TTC3: variants seen among roughly 807,000 people sequenced by gnomAD.
TTC3 encodes the protein tetratricopeptide repeat domain 3, also known as E3 ubiquitin-protein ligase TTC3.
In TTC3, 180 loss-of-function variants were observed where a neutral mutation model predicts 249.6. The observed-to-expected ratio is 0.72, with a 90% confidence interval of 0.64 to 0.82. The LOEUF (loss-of-function observed/expected upper bound fraction) is 0.82, where lower values mean the gene tolerates loss of function less well. Ranked by LOEUF, TTC3 falls within the 40% of genes least tolerant of loss-of-function variation. TTC3 has a pLI of 0.00. For synonymous variants in TTC3, 717 were observed against 805.0 expected (o/e 0.89, Z 1.85); for missense variants, 2,061 against 2,398.4 (o/e 0.86, Z 2.94).
In TTC3 at chr21:37,192,166, C is replaced by CT; in HGVS notation, c.5173dup (p.Ser1725PhefsTer2). On this transcript the variant is annotated frameshift_variant, in exon 41 of 46. Transcript: ENST00000355666. LOFTEE classifies it high-confidence loss of function. The stretch of plus-strand genomic sequence containing the variant: ...TAAAAATGGTTCTCGGCTCAGTGAA[C>CT]TTTCTAAAGTGCAGATTTCTGAGCT... The CT allele has an allele frequency of 6.2e-7, 1 of 1,610,546 alleles. No homozygotes were observed. Among genetic ancestry groups the CT allele is most frequent in the African/African-American group, 1.3e-5 (1 of 74,734 alleles).
chr21:37,179,679 G>T (rs2082580695), intron 35 of TTC3, among the ~76,000 whole-genome samples: 1 of 150,682 alleles, frequency 6.6e-6, no homozygotes, highest in African/African-American at 2.4e-5. Flanking sequence ...TTTTCATTTT[G>T]TTTGTTTTTT....
At chr21:37,166,222 A>G in exon 33 of TTC3, 1 of 1,614,192 alleles carries the variant, frequency 6.2e-7, no homozygotes, top group Non-Finnish European at 8.5e-7. Flanking sequence ...CAGCATACAT[A>G]AACGTGTTAC....
At chr21:37,094,183 A>G (rs1199231996) in intron 8 of TTC3, 93 bp downstream of exon 8, 13 of 559,080 alleles carry the variant, frequency 2.3e-5, no homozygotes, top group Admixed American at 3.9e-5. Context: ...ACAATATACA[A>G]TTCATAAAAT....
intron 1 of TTC3, among the ~76,000 whole-genome samples, chr21:37,074,970 C>CT (rs954464908): frequency 1.2e-4 from 18 of 151,572 alleles, no homozygotes; most frequent in African/African-American, 3.4e-4. Flanking sequence ...TTCAGATACT[C>CT]TTTTTTTTTA....
chr21:37,090,635 C>A, intron 6 of TTC3: 1 of 646,852 alleles, frequency 1.5e-6, no homozygotes, highest in Non-Finnish European at 1.9e-6. Context: ...TCTCCAGATT[C>A]AATGTTAAAC....
At position 37,121,804 on chromosome 21, in the gene TTC3, C is replaced by T; in HGVS notation, c.901-13C>T. On this transcript the variant is annotated splice_polypyrimidine_tract_variant and intron_variant, in intron 11 of 45. Transcript: ENST00000355666. Reference sequence around the variant, plus strand: ...ATTTTTGAGAAAAAATTAAATTTATCTTTTTGGAACAGGGTCATTATCGTT... The same window carrying T: ...ATTTTTGAGAAAAAATTAAATTTATTTTTTTGGAACAGGGTCATTATCGTT... 1 of 1,531,586 alleles carries T rather than the reference C, an allele frequency of 6.5e-7. No homozygotes were observed. The highest frequency in any genetic ancestry group is 1.3e-5 in the South Asian group (1 of 76,164). 94.9% of individuals were successfully genotyped at this position (1,531,586 alleles called of 1,614,324 possible). A position where few individuals can be genotyped will look rare whatever the true frequency, so the allele number is the denominator to read the frequency against.
chr21:37,105,358 G>T (rs2074975365), intron 10 of TTC3, among the ~76,000 whole-genome samples: 1 of 152,200 alleles, frequency 6.6e-6, no homozygotes, highest in Non-Finnish European at 1.5e-5. Flanking sequence ...GTGGCACTAG[G>T]GTTGTATATT....
chr21:37,197,788 A>G, intron 43 of TTC3, 92 bp downstream of exon 43: 2 of 1,545,160 alleles, frequency 1.3e-6, no homozygotes, highest in South Asian at 1.3e-5. Context: ...CAAAACCTAG[A>G]GAGCAATGTA....
intron 41 of TTC3, 133 bp from the exon 42 acceptor site, chr21:37,195,542 C>A (rs1470221947): frequency 3.3e-6 from 4 of 1,217,020 alleles, no homozygotes; most frequent in African/African-American, 3.1e-5. Context: ...ATATTTAATT[C>A]ATGGTATTCA....
intron 11 of TTC3, among the ~76,000 whole-genome samples, chr21:37,114,987 G>A (rs8130549): frequency 0.66 from 99,581 of 151,388 alleles, 33,024 homozygotes; most frequent in Admixed American, 0.69. Flanking sequence ...AACAATGAGA[G>A]CACATGGACA....
At position 37,082,908 on chromosome 21, in the gene TTC3, A is replaced by G. The variant is rs763650700; in HGVS notation, c.-11-4339A>G. The stretch of plus-strand genomic sequence containing the variant: ...CTTTCTTGGTGATACCAACATTTCC[A>G]TTAAAACTAGTTTACATCTAAGTTA... On this transcript the variant is annotated intron_variant, in intron 1 of 45. Coordinates refer to ENST00000355666, the Ensembl canonical transcript of TTC3. 583 of 980,808 alleles carry G rather than the reference A, an allele frequency of 5.9e-4. 3 individuals are homozygous for G. Among genetic ancestry groups the G allele is most frequent in the Non-Finnish European group, 6.3e-4 (521 of 825,822 alleles). 60.8% of individuals were successfully genotyped at this position (980,808 alleles called of 1,614,324 possible). A position where few individuals can be genotyped will look rare whatever the true frequency, so the allele number is the denominator to read the frequency against.
chr21:37,097,759 T>G (rs2074084676), intron 10 of TTC3, among the ~76,000 whole-genome samples: 1 of 152,314 alleles, frequency 6.6e-6, no homozygotes, highest in South Asian at 2.1e-4. Flanking sequence ...ACAAATACTT[T>G]TTTTGTGAAG....
At chr21:37,143,084 C>A (rs1321089997) in intron 20 of TTC3, among the ~76,000 whole-genome samples, 1 of 152,190 alleles carries the variant, frequency 6.6e-6, no homozygotes, top group African/African-American at 2.4e-5. Flanking sequence ...GCACCTTGTA[C>A]AAAAATTAAT....
Position 37,135,419 on chromosome 21 carries a change from C to T in TTC3, c.1483C>T (p.Gln495Ter). The change falls in exon 18 of 46, where the codon CAA becomes TAA. Residue 495 changes from glutamine to a stop codon, truncating the protein, a stop_gained. Transcript: ENST00000355666. LOFTEE classifies it high-confidence loss of function. ...AATGAAAATGCTGAGAAGCTTAATTCAAGATGGCTATATGGCCTTATTGGA... is the reference window on the plus strand; with the variant it reads ...AATGAAAATGCTGAGAAGCTTAATTTAAGATGGCTATATGGCCTTATTGGA... 6.2e-7 allele frequency: 1 copy of T among 1,613,650 alleles called. No homozygotes were observed. The highest frequency in any genetic ancestry group is 8.5e-7 in the Non-Finnish European group (1 of 1,179,706).
At chr21:37,164,361 CAG>C (rs2081058505) in intron 32 of TTC3, 146 bp downstream of exon 32, 1 of 733,964 alleles carries the variant, frequency 1.4e-6, no homozygotes, top group South Asian at 2.1e-5. Context: ...TTTTTTGAGA[CAG>C]AGTCTTGCTG....
chr21:37,122,434 A>AT (rs1258268419), intron 12 of TTC3, among the ~76,000 whole-genome samples: 47 of 26,234 alleles, frequency 1.8e-3, no homozygotes, highest in African/African-American at 4.9e-3. Context: ...ATATATATAT[A>AT]TATTATATAT....
At chr21:37,112,469 C>T (rs1412078805) in intron 11 of TTC3, among the ~76,000 whole-genome samples, 1 of 152,180 alleles carries the variant, frequency 6.6e-6, no homozygotes, top group East Asian at 1.9e-4. Flanking sequence ...TCGACACATA[C>T]ACTCTCCCAA....
At chr21:37,165,247 T>G (rs1165540139) in intron 32 of TTC3, among the ~76,000 whole-genome samples, 2 of 152,174 alleles carry the variant, frequency 1.3e-5, no homozygotes, top group African/African-American at 2.4e-5. Flanking sequence ...TTTGTTGTTG[T>G]TTTTAGAATA....
intron 6 of TTC3, 28 bp downstream of exon 6, chr21:37,090,314 A>G (rs3787780): frequency 0.48 from 766,706 of 1,581,856 alleles, 188,993 homozygotes; most frequent in Non-Finnish European, 0.51. Flanking sequence ...AAACTGGCAC[A>G]GCCACTGTGG....
Sources: gnomAD v4.1 joint callset for allele counts (sites outside exome capture counted in the v4.1 genomes callset) on GRCh38, gnomAD v4.1.1 for gene constraint, MANE v1.5 for transcripts, NCBI Gene and HGNC (gene_info 2026-07-23, HGNC 2026-07-21) for gene names.